The following RAB44 variants were observed in gnomAD, a reference collection of about 807,000 sequenced individuals.
RAB44 encodes the protein RAB44, member RAS oncogene family.
RAB44 carries 67 observed loss-of-function variants against 93.3 expected under a neutral mutation model. That is an observed-to-expected ratio of 0.72 (90% CI 0.59 to 0.88). RAB44 has a LOEUF of 0.88. RAB44 is among the 40% of genes least tolerant of loss of function. RAB44 has a pLI of 0.00. For synonymous variants in RAB44, 427 were observed against 520.3 expected, an observed-to-expected ratio of 0.82 and a Z score of 2.44; for missense variants, 1,064 against 1,261.7, an observed-to-expected ratio of 0.84 and a Z score of 2.37.
At position 36,720,509 on chromosome 6, in the gene RAB44, C is replaced by T. The variant is rs564198222; in HGVS notation, c.975C>T (p.Ala325=). The T allele has an allele frequency of 1.3e-4, 163 of 1,233,546 alleles. 1 individual carries two copies. In the South Asian group the frequency reaches 5.1e-3, roughly 39 times the overall value. 76.4% of individuals were successfully genotyped at this position (1,233,546 alleles called of 1,614,324 possible). The part of the protein sequence containing the change: ...QLQVTRGRLD[A]ARGRVSWQVE... ...AGGTGACCAGGGGGCGCCTGGACGCCGCCAGGGGCCGGGTGTCCTGGCAGG... is the reference window on the plus strand; with the variant it reads ...AGGTGACCAGGGGGCGCCTGGACGCTGCCAGGGGCCGGGTGTCCTGGCAGG... The change falls in exon 8 of 14, where the codon GCC becomes GCT. Residue 325 remains alanine, a synonymous_variant. Coordinates refer to ENST00000612677, the MANE Select transcript of RAB44 (RefSeq NM_001257357.2).
chr6:36,723,955 G>A (rs1161462050), intron 9 of RAB44, among the ~76,000 whole-genome samples: 1 of 151,490 alleles, frequency 6.6e-6, no homozygotes, highest in Non-Finnish European at 1.5e-5. Context: ...ATCAGAGCCA[G>A]ACCAGTCGGT....
intron 9 of RAB44, 66 bp downstream of exon 9, chr6:36,722,799 A>G: frequency 6.5e-7 from 1 of 1,531,738 alleles, no homozygotes; most frequent in Non-Finnish European, 8.8e-7. Flanking sequence ...AACGAGTGAG[A>G]GCGGGCCCAG....
chr6:36,717,531 T>G lies in RAB44; in HGVS notation c.641+112T>G. 2 of 1,153,132 alleles carry G rather than the reference T, an allele frequency of 1.7e-6. No individual in the cohort carries two copies. Among genetic ancestry groups the G allele is most frequent in the Non-Finnish European group, 2.2e-6 (2 of 917,456 alleles). The allele number at this position is 1,153,132 out of a possible 1,614,324, so 71.4% of individuals were successfully genotyped here. A position where few individuals can be genotyped will look rare whatever the true frequency, so the allele number is the denominator to read the frequency against. The stretch of plus-strand genomic sequence containing the variant: ...CCTGCAGCTGGGCCTGTGAGCTGGA[T>G]AGGGCAGAGCTGCGCTGGAGGAAGA... On this transcript the variant is annotated intron_variant, in intron 5 of 13. Transcript: ENST00000612677. This position sits in a 1 kb window ranked among gnomAD's most constrained non-coding sequence, Gnocchi z 4.1.
At chr6:36,716,505 G>C (rs999186231) in intron 4 of RAB44, among the ~76,000 whole-genome samples, 4 of 151,746 alleles carry the variant, frequency 2.6e-5, no homozygotes, top group Non-Finnish European at 2.9e-5. Context: ...GATAGAAAGG[G>C]AGCCCTGCCT....
intron 2 of RAB44, among the ~76,000 whole-genome samples, chr6:36,713,604 A>T (rs986201681): frequency 2.0e-5 from 3 of 152,080 alleles, no homozygotes; most frequent in Non-Finnish European, 2.9e-5. Flanking sequence ...TTGATTTTGG[A>T]TGGAGAGAGT....
intron 7 of RAB44, 62 bp downstream of exon 7, chr6:36,718,650 A>C: frequency 1.3e-6 from 1 of 785,518 alleles, no homozygotes; most frequent in Non-Finnish European, 1.7e-6. Flanking sequence ...TATGAACCTC[A>C]GTTTCCTATC....
chr6:36,725,086 C>T (rs1763202182), intron 9 of RAB44, among the ~76,000 whole-genome samples: 1 of 152,242 alleles, frequency 6.6e-6, no homozygotes, highest in South Asian at 2.1e-4. Context: ...AAAGTTAAGG[C>T]CACCTACCTT....
rs192858165 is a variant in RAB44, at chr6:36,716,561, G to A, written c.495-712G>A. On this transcript the variant is annotated intron_variant, in intron 4 of 13. Transcript: ENST00000612677. ...CCCCCGGGTCTGTTAGAACCAGTGA[G>A]GGAATTGCCCTCACCCACTGGCCCA... 5.0e-3 allele frequency among the ~76,000 whole-genome samples: 760 copies of A among 152,216 alleles called. 6 individuals carry two copies. The highest frequency in any genetic ancestry group is 0.017 in the African/African-American group (702 of 41,530).
chr6:36,709,085 C>T (rs1340165058), intron 2 of RAB44, among the ~76,000 whole-genome samples: 1 of 152,072 alleles, frequency 6.6e-6, no homozygotes, highest in Non-Finnish European at 1.5e-5. Flanking sequence ...GCTGGGATTA[C>T]AGGCGCCTGC....
rs1184876868 is a variant in RAB44 at position 36,720,020 on chromosome 6, T to C, written c.829-343T>C. Among the ~76,000 whole-genome samples the C allele has an allele frequency of 2.0e-5, 3 of 152,258 alleles. No homozygotes were observed. The East Asian group carries it at 5.8e-4, about 29-fold the overall frequency. The stretch of plus-strand genomic sequence containing the variant: ...ATTTGCTGTTGGATCAGGAGCCCCC[T>C]GTAGACCAGACAGGCTCAGGGGCCA... On this transcript the variant is annotated intron_variant, in intron 7 of 13. Coordinates refer to ENST00000612677, the MANE Select transcript of RAB44 (RefSeq NM_001257357.2).
intron 11 of RAB44, among the ~76,000 whole-genome samples, chr6:36,728,328 T>C (rs1763284927): frequency 6.6e-6 from 1 of 152,222 alleles, no homozygotes; most frequent in Non-Finnish European, 1.5e-5. Context: ...ATAGAATTGC[T>C]TTCAGCACAG....
rs999863378 is a variant in RAB44, at chr6:36,733,027, C to T, written c.*934C>T. 4 of 152,192 alleles carry T rather than the reference C, an allele frequency of 2.6e-5. No homozygotes were observed. Among genetic ancestry groups the T allele is most frequent in the Non-Finnish European group, 4.4e-5 (3 of 68,034 alleles). The allele number at this position is 152,192 out of a possible 1,614,324, so 9.4% of individuals were successfully genotyped here. On this transcript the variant is annotated 3_prime_UTR_variant, in exon 14 of 14. Coordinates refer to ENST00000612677, the MANE Select transcript of RAB44 (RefSeq NM_001257357.2). Reference sequence around the variant, plus strand: ...GTTTCCAGAATTCCATAATATTCACCTCCTGAATGGTGGCTGCCCCTTATC... The same window carrying T: ...GTTTCCAGAATTCCATAATATTCACTTCCTGAATGGTGGCTGCCCCTTATC...
intron 4 of RAB44, among the ~76,000 whole-genome samples, chr6:36,716,194 G>T (rs1224638353): frequency 1.3e-5 from 2 of 151,708 alleles, no homozygotes; most frequent in African/African-American, 2.4e-5. Context: ...CCCTGGCCGG[G>T]CACGGTGGCT....
Position 36,721,467 on chromosome 6 carries a change from A to T in RAB44, c.1333A>T (p.Asn445Tyr), listed in dbSNP as rs1231914898. 6 of 1,234,298 alleles carry T rather than the reference A, an allele frequency of 4.9e-6. No individual in the cohort carries two copies. Among genetic ancestry groups the T allele is most frequent in the East Asian group, 3.2e-5 (1 of 31,710 alleles). 76.5% of individuals were successfully genotyped at this position (1,234,298 alleles called of 1,614,324 possible). A position where few individuals can be genotyped will look rare whatever the true frequency, so the allele number is the denominator to read the frequency against. ...PPGVTFSAKD[N>Y]KGVDPHEQDI... ...TGGGGTGACTTTCAGCGCCAAGGAC[A>T]ATAAAGGAGTGGACCCACATGAGCA... Residue 445 changes from asparagine (N) to tyrosine (Y), a missense_variant, in exon 9 of 14, where the codon AAT (asparagine) becomes TAT (tyrosine). Transcript: ENST00000612677.
At position 36,728,805 on chromosome 6, in the gene RAB44, A is replaced by G; in HGVS notation, c.2898+4A>G. ...AGCTGGGCAGCAACTGGCCCAGGTAAGCACTTGGGCATCAGCCCGTCTCTG... is the reference window on the plus strand; with the variant it reads ...AGCTGGGCAGCAACTGGCCCAGGTAGGCACTTGGGCATCAGCCCGTCTCTG... On this transcript the variant is annotated splice_donor_region_variant and intron_variant, in intron 12 of 13. Coordinates refer to ENST00000612677, the MANE Select transcript of RAB44 (RefSeq NM_001257357.2). 6.5e-7 allele frequency: 1 copy of G among 1,548,862 alleles called. No individual in the cohort carries two copies. Among genetic ancestry groups the G allele is most frequent in the Non-Finnish European group, 8.7e-7 (1 of 1,145,450 alleles).
chr6:36,712,117 A>G (rs535502257), intron 2 of RAB44, among the ~76,000 whole-genome samples: 2 of 152,188 alleles, frequency 1.3e-5, no homozygotes, highest in South Asian at 2.1e-4. Flanking sequence ...AGCTTGGCCA[A>G]CATGGTGAAA....
chr6:36,730,652 C>T (rs1562069895), intron 12 of RAB44, 21 bp from the exon 13 acceptor site: 1 of 1,229,170 alleles, frequency 8.1e-7, no homozygotes, highest in African/African-American at 1.6e-5. Context: ...GCACATATGT[C>T]CCTCCCTGTC....
At chr6:36,699,498 A>G (rs945907763) in intron 1 of RAB44, among the ~76,000 whole-genome samples, 19 of 152,280 alleles carry the variant, frequency 1.2e-4, no homozygotes, top group South Asian at 4.1e-4. Flanking sequence ...CCGGAAGTAC[A>G]TGAGACATTG....
chr6:36,715,843 G>C (rs1762906585), intron 4 of RAB44, among the ~76,000 whole-genome samples, 190 bp downstream of exon 4: 1 of 152,202 alleles, frequency 6.6e-6, no homozygotes, highest in Admixed American at 6.5e-5. Context: ...CTGGGCTGCA[G>C]AATGAGCCTA....
Sources: gnomAD v4.1 joint callset for allele counts (sites outside exome capture counted in the v4.1 genomes callset) on GRCh38, gnomAD v4.1.1 for gene constraint, Gnocchi (gnomAD v3.1) non-coding constraint, MANE v1.5 for transcripts, NCBI Gene and HGNC (gene_info 2026-07-23, HGNC 2026-07-21) for gene names.